ZNF608: variants seen among roughly 807,000 people sequenced by gnomAD.
The protein encoded by ZNF608 is renal carcinoma antigen NY-REN-36.
Under a neutral mutation model 109.0 loss-of-function variants are expected in ZNF608, and 12 were observed. That is an observed-to-expected ratio of 0.11 (90% CI 0.07 to 0.18). The LOEUF (loss-of-function observed/expected upper bound fraction) is 0.18, where lower values mean the gene tolerates loss of function less well. Ranked by LOEUF, ZNF608 falls within the 10% of genes least tolerant of loss-of-function variation. ZNF608 has a pLI of 1.00. For missense variants in ZNF608, 1,707 were observed against 1,879.3 expected (o/e 0.91, Z 1.70); for synonymous variants, 732 against 717.4 (o/e 1.02, Z -0.33).
At chr5:124,663,379 G>T (rs1751357068) in intron 3 of ZNF608, among the ~76,000 whole-genome samples, 1 of 152,242 alleles carries the variant, frequency 6.6e-6, no homozygotes, top group African/African-American at 2.4e-5. Context: ...GCTCACTGCA[G>T]TGGGGACCCA....
intron 3 of ZNF608, among the ~76,000 whole-genome samples, chr5:124,681,117 G>C (rs1189568930): frequency 6.6e-6 from 1 of 152,140 alleles, no homozygotes. Context: ...TGCAGGACTT[G>C]AGTTTTCAAC....
chr5:124,668,822 C>T (rs1461468993), intron 3 of ZNF608, among the ~76,000 whole-genome samples: 1 of 152,172 alleles, frequency 6.6e-6, no homozygotes, highest in African/African-American at 2.4e-5. Context: ...GACAAGACTT[C>T]CTTGAGGTCT....
Position 124,644,377 on chromosome 5 carries a change from C to G in ZNF608, c.3990G>C (p.Val1330=). The change falls in exon 6 of 10, where the codon GTG becomes GTC. Residue 1330 remains valine (V), a synonymous_variant. Transcript: ENST00000513986. ...GCTGACTCATGGGTGAGGAGACAGCCACTCTTGTTCCCCGAGAGTCCTTCC... is the reference window on the plus strand; with the variant it reads ...GCTGACTCATGGGTGAGGAGACAGCGACTCTTGTTCCCCGAGAGTCCTTCC... ...VNWKDSRGTR[V]AVSSPMSQHQ... The G allele has an allele frequency of 6.2e-7, 1 of 1,614,106 alleles. No individual in the cohort carries two copies. The highest frequency in any genetic ancestry group is 8.5e-7 in the Non-Finnish European group (1 of 1,180,020).
intron 8 of ZNF608, among the ~76,000 whole-genome samples, chr5:124,640,606 T>C (rs745789409): frequency 5.3e-4 from 81 of 152,184 alleles, no homozygotes; most frequent in Non-Finnish European, 9.7e-4. Context: ...TCTAGCAAGT[T>C]GTAAAGATGG....
chr5:124,711,958 C>T, intron 2 of ZNF608, among the ~76,000 whole-genome samples: 1 of 152,108 alleles, frequency 6.6e-6, no homozygotes, highest in East Asian at 1.9e-4. Context: ...ACAGATGAGA[C>T]AGGGCAAGAC....
intron 3 of ZNF608, among the ~76,000 whole-genome samples, chr5:124,684,131 T>TA (rs1235247081): frequency 6.6e-6 from 1 of 152,258 alleles, no homozygotes; most frequent in Non-Finnish European, 1.5e-5. Flanking sequence ...GCACTATGGC[T>TA]AATGCCATCA....
intron 2 of ZNF608, among the ~76,000 whole-genome samples, chr5:124,703,166 A>G (rs1753123697): frequency 6.6e-6 from 1 of 152,142 alleles, no homozygotes; most frequent in Non-Finnish European, 1.5e-5. Context: ...TGTCACATGT[A>G]TAAATTGAAA....
At chr5:124,695,256 T>A (rs1346255731) in intron 3 of ZNF608, among the ~76,000 whole-genome samples, 1 of 152,184 alleles carries the variant, frequency 6.6e-6, no homozygotes, top group African/African-American at 2.4e-5. Context: ...TATACCTCAA[T>A]AAATAATATT....
intron 2 of ZNF608, among the ~76,000 whole-genome samples, chr5:124,720,628 G>T (rs1753866387): frequency 6.6e-6 from 1 of 152,022 alleles, no homozygotes; most frequent in African/African-American, 2.4e-5. Flanking sequence ...CAACTTCCAG[G>T]TAAAAATAAA....
At chr5:124,693,795 A>G (rs76821795) in intron 3 of ZNF608, among the ~76,000 whole-genome samples, 8,000 of 151,950 alleles carry the variant, frequency 0.053, 640 homozygotes, top group African/African-American at 0.18. Flanking sequence ...AGCATAAAAC[A>G]AGTAGGTCCA....
Position 124,648,324 on chromosome 5 carries a change from G to A in ZNF608, c.2060C>T (p.Ser687Leu), listed in dbSNP as rs758025026. 6.1e-5 allele frequency: 98 copies of A among 1,613,978 alleles called. No individual in the cohort carries two copies. The highest frequency in any genetic ancestry group is 4.7e-4 in the South Asian group (43 of 91,080). Reference sequence around the variant, plus strand: ...AGCAGCCAAACTGCCGTCTGCTGCCGAGCAACTGTCTAACGCAGCCGTCAT... The same window carrying A: ...AGCAGCCAAACTGCCGTCTGCTGCCAAGCAACTGTCTAACGCAGCCGTCAT... ...SNMTAALDSCSAADGSLAAEM... is the reference protein window; with the variant it reads ...SNMTAALDSCLAADGSLAAEM... The change falls in exon 5 of 10, where the codon TCG becomes TTG. Residue 687 changes from serine (S) to leucine (L), a missense_variant. By Grantham distance (145) the Ser-to-Leu change is moderately radical (BLOSUM62 -2). This residue lies in a region of ZNF608 where 1,073 missense variants were observed against 1,133.5 expected (regional missense o/e 0.95). Transcript: ENST00000513986.
intron 2 of ZNF608, among the ~76,000 whole-genome samples, chr5:124,736,976 G>A (rs1043442010): frequency 2.6e-5 from 4 of 152,166 alleles, no homozygotes; most frequent in Admixed American, 2.6e-4. Context: ...CAAACTGTCA[G>A]GGGAAGGCAG....
At chr5:124,673,306 G>A (rs1281839505) in intron 3 of ZNF608, among the ~76,000 whole-genome samples, 1 of 152,192 alleles carries the variant, frequency 6.6e-6, no homozygotes, top group Non-Finnish European at 1.5e-5. Context: ...CAGACAATAT[G>A]ATGGTTATAG....
upstream of ZNF608, among the ~76,000 whole-genome samples, chr5:124,747,850 A>G (rs965487134): frequency 6.6e-6 from 1 of 152,166 alleles, no homozygotes; most frequent in African/African-American, 2.4e-5. Context: ...GGGAGGGAGA[A>G]GGGTATCTCC....
At chr5:124,719,021 A>C (rs1753807064) in intron 2 of ZNF608, among the ~76,000 whole-genome samples, 1 of 152,238 alleles carries the variant, frequency 6.6e-6, no homozygotes, top group Non-Finnish European at 1.5e-5. Context: ...TATGTAACTA[A>C]GAGAAACTAC....
chr5:124,684,789 G>A (rs1752335922), intron 3 of ZNF608, among the ~76,000 whole-genome samples: 1 of 152,032 alleles, frequency 6.6e-6, no homozygotes, highest in South Asian at 2.1e-4. Context: ...CAGCAATCAC[G>A]CCATTTTGTT....
chr5:124,713,127 G>C (rs1753564777), intron 2 of ZNF608, among the ~76,000 whole-genome samples: 2 of 152,170 alleles, frequency 1.3e-5, no homozygotes, highest in Non-Finnish European at 2.9e-5. Context: ...ACTGGTCCCT[G>C]AACAGAGAGA....
intron 3 of ZNF608, among the ~76,000 whole-genome samples, chr5:124,665,449 CCAGT>C (rs1440542002): frequency 6.6e-6 from 1 of 152,074 alleles, no homozygotes; most frequent in Non-Finnish European, 1.5e-5. Context: ...ATTATGTTCC[CCAGT>C]CAAATATAAA....
At chr5:124,728,005 C>T (rs1580704785) in intron 2 of ZNF608, among the ~76,000 whole-genome samples, 1 of 152,236 alleles carries the variant, frequency 6.6e-6, no homozygotes, top group East Asian at 1.9e-4. Context: ...TCCCAAAGTC[C>T]TGGGATTACA....
Sources: allele counts gnomAD v4.1 joint callset (sites outside exome capture counted in the v4.1 genomes callset), GRCh38; gene constraint gnomAD v4.1.1; regional missense constraint gnomAD v4.1.1; transcripts MANE v1.5; gene names NCBI Gene and HGNC (gene_info 2026-07-23, HGNC 2026-07-21).